Variants in FNDC3B observed in about 807,000 individuals in gnomAD.
FNDC3B encodes fibronectin type III domain containing 3B, also known as fibronectin type III domain-containing protein 3B.
In FNDC3B, 12 loss-of-function variants were observed where a neutral mutation model predicts 151.5. The observed-to-expected ratio is 0.08, with a 90% CI of 0.05 to 0.13. FNDC3B has a LOEUF of 0.13. Ranked by LOEUF, FNDC3B falls within the 10% of genes least tolerant of loss-of-function variation. The pLI, the probability that FNDC3B is intolerant of heterozygous loss-of-function variation, is 1.00. For missense variants in FNDC3B, 1,214 were observed against 1,505.3 expected (o/e 0.81, Z 3.20); for synonymous variants, 528 against 549.0 (o/e 0.96, Z 0.54).
chr3:172,039,875 AG>A (rs1715927654), intron 1 of FNDC3B, 104 bp downstream of exon 1: 1 of 152,310 alleles, frequency 6.6e-6, no homozygotes, highest in Non-Finnish European at 1.5e-5. Flanking sequence ...AGTCCGCCAA[AG>A]TGCGTCCCTG....
At chr3:172,056,831 C>T (rs979176548) in intron 1 of FNDC3B, among the ~76,000 whole-genome samples, 1 of 152,166 alleles carries the variant, frequency 6.6e-6, no homozygotes, top group Non-Finnish European at 1.5e-5. Context: ...TTGTCTTGAC[C>T]TTGCCTTTGG....
intron 9 of FNDC3B, among the ~76,000 whole-genome samples, chr3:172,306,540 A>G (rs1731209719): frequency 6.6e-6 from 1 of 152,210 alleles, no homozygotes; most frequent in Non-Finnish European, 1.5e-5. Flanking sequence ...TTAAGAGTAC[A>G]TTTTCAATTT....
intron 4 of FNDC3B, among the ~76,000 whole-genome samples, chr3:172,239,791 GA>G (rs1214298738): frequency 5.0e-4 from 44 of 88,872 alleles, no homozygotes; most frequent in Middle Eastern, 6.3e-3. Flanking sequence ...AAAAAAAAAA[GA>G]AAAAAAGCAA....
intron 6 of FNDC3B, among the ~76,000 whole-genome samples, chr3:172,272,245 A>T (rs1729234144): frequency 6.6e-6 from 1 of 152,204 alleles, no homozygotes; most frequent in South Asian, 2.1e-4. Flanking sequence ...TAAAAGTAGT[A>T]AAACACAGAA....
intron 6 of FNDC3B, among the ~76,000 whole-genome samples, chr3:172,257,024 A>G (rs1191984415): frequency 6.6e-6 from 1 of 151,152 alleles, no homozygotes; most frequent in Non-Finnish European, 1.5e-5. Flanking sequence ...TCCACCTCCC[A>G]GGTTATAAGC....
chr3:172,151,527 C>T lies in FNDC3B; in HGVS notation c.187+17981C>T, dbSNP rs79720559. Among the ~76,000 whole-genome samples the T allele has an allele frequency of 7.2e-4, 109 of 152,270 alleles. 1 individual carries two copies. In the East Asian group the frequency reaches 0.021, roughly 29 times the overall value. On this transcript the variant is annotated intron_variant, in intron 3 of 25. Coordinates refer to ENST00000415807, the MANE Select transcript of FNDC3B (RefSeq NM_022763.4). ...TATATTACCTTTGGATCTAGCCCAT[C>T]TACCTCTAGATACTTCACTTGCATA...
intron 1 of FNDC3B, among the ~76,000 whole-genome samples, chr3:172,077,681 T>C (rs182433328): frequency 1.6e-4 from 24 of 152,250 alleles, no homozygotes; most frequent in Admixed American, 4.6e-4. Context: ...TTTTCTGTGG[T>C]CTCATGTAGA....
rs200856449 is a variant in FNDC3B, at chr3:172,077,730, C to A, written c.-28-34722C>A. The stretch of plus-strand genomic sequence containing the variant: ...ATAGAAATATTTGACTTTTTCCCCC[C>A]CAAAAAAGAAAACTTGAATGCTTTT... On this transcript the variant is annotated intron_variant, in intron 1 of 25. Transcript: ENST00000415807. Among the ~76,000 whole-genome samples the A allele has an allele frequency of 1.5e-3, 227 of 152,096 alleles. 7 individuals are homozygous for A. In the East Asian group the frequency reaches 0.038, roughly 26 times the overall value.
chr3:172,219,457 AT>A (rs1353715497), intron 3 of FNDC3B, among the ~76,000 whole-genome samples: 1 of 152,156 alleles, frequency 6.6e-6, no homozygotes, highest in Non-Finnish European at 1.5e-5. Flanking sequence ...TAATTTTTCA[AT>A]TCTTTTTTTG....
chr3:172,103,380 C>A (rs773075076), intron 1 of FNDC3B, among the ~76,000 whole-genome samples: 2 of 151,878 alleles, frequency 1.3e-5, no homozygotes, highest in Non-Finnish European at 2.9e-5. Context: ...ACGGAAGCAG[C>A]CTCAAATTAC....
intron 3 of FNDC3B, among the ~76,000 whole-genome samples, chr3:172,192,455 G>A (rs936362559): frequency 6.6e-5 from 10 of 152,010 alleles, no homozygotes; most frequent in Non-Finnish European, 1.3e-4. Context: ...AAAGTGCTAG[G>A]ATTACAGGTG....
chr3:172,259,516 C>T (rs569051095), intron 6 of FNDC3B, among the ~76,000 whole-genome samples: 4 of 152,304 alleles, frequency 2.6e-5, no homozygotes, highest in African/African-American at 9.6e-5. Context: ...TTAACATGCG[C>T]TTTCTGACTT....
At chr3:172,218,069 T>G (rs963004743) in intron 3 of FNDC3B, among the ~76,000 whole-genome samples, 8 of 142,382 alleles carry the variant, frequency 5.6e-5, no homozygotes, top group African/African-American at 2.1e-4. Context: ...AGACAATGAC[T>G]GGGCCAGACT....
At chr3:172,241,069 CA>C (rs1249698457) in intron 4 of FNDC3B, among the ~76,000 whole-genome samples, 1 of 152,108 alleles carries the variant, frequency 6.6e-6, no homozygotes, top group Non-Finnish European at 1.5e-5. Flanking sequence ...GCCATCAGGC[CA>C]GATTTCTTCA....
intron 3 of FNDC3B, among the ~76,000 whole-genome samples, chr3:172,147,199 G>T (rs565466422): frequency 6.6e-6 from 1 of 151,886 alleles, no homozygotes; most frequent in Non-Finnish European, 1.5e-5. Context: ...CCAGCTACTC[G>T]GGAGGCTTGT....
rs1371220394 is a variant in FNDC3B, at chr3:172,330,557, G to T, written c.1396G>T (p.Val466Leu). The change falls in exon 13 of 26, where the codon GTG becomes TTG. Residue 466 changes from valine to leucine, a missense_variant. Physicochemically the swap from Val to Leu is conservative, Grantham distance 32. This residue lies in a region of FNDC3B where 111 missense variants were observed against 96.8 expected (regional missense o/e 1.15). Transcript: ENST00000415807. ...TCTCTACAGTGGTTATAGCCAAGAG[G>T]TGGTGTGCTACACATTAGGAAATAT... Reference protein sequence around the residue: ...DIGTSGYSQEVVCYTLGNIPQ... With the variant: ...DIGTSGYSQELVCYTLGNIPQ... 12 of 1,613,290 alleles carry T rather than the reference G, an allele frequency of 7.4e-6. No individual in the cohort carries two copies. The highest frequency in any genetic ancestry group is 1.3e-5 in the African/African-American group (1 of 74,900).
At chr3:172,174,815 C>G (rs1297781283) in intron 3 of FNDC3B, among the ~76,000 whole-genome samples, 1 of 151,544 alleles carries the variant, frequency 6.6e-6, no homozygotes, top group Non-Finnish European at 1.5e-5. Flanking sequence ...TGATGTTTAT[C>G]TAGCTGCTGT....
At chr3:172,173,457 G>A (rs958512033) in intron 3 of FNDC3B, among the ~76,000 whole-genome samples, 2 of 151,940 alleles carry the variant, frequency 1.3e-5, no homozygotes, top group South Asian at 2.1e-4. Context: ...AGAAGACAAC[G>A]TGTAATTTTT....
At chr3:172,264,921 T>C (rs1728844481) in intron 6 of FNDC3B, among the ~76,000 whole-genome samples, 1 of 152,202 alleles carries the variant, frequency 6.6e-6, no homozygotes, top group African/African-American at 2.4e-5. Flanking sequence ...GTCCTTGTCA[T>C]CTTATTTCCA....
Sources: gnomAD v4.1 joint callset for allele counts (sites outside exome capture counted in the v4.1 genomes callset) on GRCh38, gnomAD v4.1.1 for gene constraint, gnomAD v4.1.1 regional missense constraint, MANE v1.5 for transcripts, NCBI Gene and HGNC (gene_info 2026-07-23, HGNC 2026-07-21) for gene names.